The following ANXA13 variants were observed in gnomAD, a reference collection of about 807,000 sequenced individuals.
ANXA13 encodes the protein annexin XIII.
ANXA13 carries 36 observed loss-of-function variants against 46.6 expected under a neutral mutation model. The observed-to-expected ratio is 0.77, with a 90% CI of 0.59 to 1.02. ANXA13 has a LOEUF of 1.02. ANXA13 is among the 50% of genes least tolerant of loss of function. The pLI, the probability that ANXA13 is intolerant of heterozygous loss-of-function variation, is 0.00. For missense variants in ANXA13, 417 were observed against 396.5 expected (o/e 1.05, Z -0.44); for synonymous variants, 163 against 152.9 (o/e 1.07, Z -0.49).
intron 2 of ANXA13, chr8:123,712,309 T>G (rs1813675122): frequency 4.2e-6 from 1 of 239,658 alleles, no homozygotes; most frequent in African/African-American, 2.2e-5. Flanking sequence ...TGTGGAACTG[T>G]GAGTCCATTA....
intron 1 of ANXA13, among the ~76,000 whole-genome samples, chr8:123,716,423 G>T (rs1474297051): frequency 4.6e-5 from 7 of 152,138 alleles, no homozygotes; most frequent in Admixed American, 4.6e-4. Context: ...GCCACCATCA[G>T]CAGGGCAGGT....
intron 1 of ANXA13, 124 bp from the exon 2 acceptor site, chr8:123,712,877 C>T: frequency 1.3e-6 from 1 of 794,968 alleles, no homozygotes; most frequent in Non-Finnish European, 2.1e-6. Context: ...TGTCACTTCA[C>T]ACACTGGTAC....
intron 4 of ANXA13, among the ~76,000 whole-genome samples, chr8:123,696,467 T>C (rs1379975398): frequency 6.6e-6 from 1 of 152,154 alleles, no homozygotes; most frequent in Non-Finnish European, 1.5e-5. Flanking sequence ...TGCTTTATAT[T>C]TCAATGTCTG....
At chr8:123,726,773 AT>A (rs1814004606) in intron 1 of ANXA13, among the ~76,000 whole-genome samples, 2 of 152,232 alleles carry the variant, frequency 1.3e-5, no homozygotes, top group Non-Finnish European at 2.9e-5. Context: ...TAGCAGCACA[AT>A]TTGCGATTGT....
chr8:123,735,816 G>C, intron 1 of ANXA13: 1 of 1,612,506 alleles, frequency 6.2e-7, no homozygotes, highest in Admixed American at 1.7e-5. Flanking sequence ...CACGACTGTC[G>C]AGGGTTGGGA....
intron 2 of ANXA13, among the ~76,000 whole-genome samples, chr8:123,708,573 G>A (rs1301586248): frequency 6.6e-6 from 1 of 152,212 alleles, no homozygotes; most frequent in Non-Finnish European, 1.5e-5. Context: ...GGGAGTGCAA[G>A]GAAGACAGAT....
intron 8 of ANXA13, among the ~76,000 whole-genome samples, chr8:123,691,380 G>C (rs1196024775): frequency 6.6e-6 from 1 of 152,142 alleles, no homozygotes; most frequent in Non-Finnish European, 1.5e-5. Context: ...TAGCATTTTA[G>C]AGCTGGTTTC....
chr8:123,693,947 C>A (rs1252378206), intron 6 of ANXA13, among the ~76,000 whole-genome samples, 168 bp from the exon 7 acceptor site: 1 of 151,312 alleles, frequency 6.6e-6, no homozygotes, highest in Non-Finnish European at 1.5e-5. Context: ...CTTTTGGGCA[C>A]AATGGATAAA....
intron 1 of ANXA13, among the ~76,000 whole-genome samples, chr8:123,720,802 T>G (rs1050664610): frequency 6.6e-6 from 1 of 152,038 alleles, no homozygotes; most frequent in Admixed American, 6.5e-5. Flanking sequence ...AGGCTGGTCT[T>G]GAACTCCTGG....
intron 1 of ANXA13, chr8:123,728,387 C>A (rs1465588546): frequency 6.6e-6 from 1 of 152,140 alleles, no homozygotes; most frequent in African/African-American, 2.4e-5. Flanking sequence ...GTGAAAGGAA[C>A]CATGCTTTCA....
At chr8:123,733,972 A>G (rs1007997404) in intron 1 of ANXA13, among the ~76,000 whole-genome samples, 1 of 152,236 alleles carries the variant, frequency 6.6e-6, no homozygotes, top group Non-Finnish European at 1.5e-5. Context: ...AATGCAGACT[A>G]TGATTCAATA....
intron 10 of ANXA13, among the ~76,000 whole-genome samples, chr8:123,681,618 T>TC (rs1586307624): frequency 7.2e-6 from 1 of 139,040 alleles, no homozygotes; most frequent in East Asian, 2.0e-4. Context: ...CTCTTGAATT[T>TC]CTTTTTTTTT....
chr8:123,699,319 A>G (rs1395845373), intron 3 of ANXA13, among the ~76,000 whole-genome samples: 1 of 152,152 alleles, frequency 6.6e-6, no homozygotes, highest in Non-Finnish European at 1.5e-5. Flanking sequence ...AGCTGAGACT[A>G]CAGGTACACA....
chr8:123,725,207 G>C (rs1290297421), intron 1 of ANXA13, among the ~76,000 whole-genome samples: 2 of 152,124 alleles, frequency 1.3e-5, no homozygotes, highest in Non-Finnish European at 2.9e-5. Context: ...ATATTAAAAA[G>C]TGCGTATTTA....
At chr8:123,729,122 T>C (rs536768653) in intron 1 of ANXA13, 2 of 152,294 alleles carry the variant, frequency 1.3e-5, no homozygotes, top group South Asian at 4.1e-4. Context: ...GGTAGGTCCA[T>C]GACCCAAGCC....
chr8:123,687,731 G>T (rs1028149038), intron 9 of ANXA13, among the ~76,000 whole-genome samples: 42 of 151,442 alleles, frequency 2.8e-4, no homozygotes, highest in African/African-American at 9.8e-4. Flanking sequence ...CTGAGAACAG[G>T]TCTCTCCATT....
At chr8:123,714,990 C>T (rs1164146938) in intron 1 of ANXA13, among the ~76,000 whole-genome samples, 1 of 152,230 alleles carries the variant, frequency 6.6e-6, no homozygotes, top group Non-Finnish European at 1.5e-5. Flanking sequence ...ACAATACTGC[C>T]TCACATTCTA....
intron 1 of ANXA13, among the ~76,000 whole-genome samples, chr8:123,720,684 G>T (rs899273443): frequency 6.6e-6 from 1 of 151,682 alleles, no homozygotes; most frequent in African/African-American, 2.4e-5. Flanking sequence ...GTGTGTGTGT[G>T]TGTGTGTGTG....
At chr8:123,707,834 T>TA (rs1299952457) in intron 2 of ANXA13, among the ~76,000 whole-genome samples, 4 of 151,626 alleles carry the variant, frequency 2.6e-5, no homozygotes, top group African/African-American at 9.7e-5. Context: ...TCCCAGAACT[T>TA]AAAGTATAAT....
Sources: gnomAD v4.1 joint callset for allele counts (sites outside exome capture counted in the v4.1 genomes callset) on GRCh38, gnomAD v4.1.1 for gene constraint, MANE v1.5 for transcripts, NCBI Gene and HGNC (gene_info 2026-07-23, HGNC 2026-07-21) for gene names.